The following ZNF329 variants were observed in gnomAD, a reference collection of about 807,000 sequenced individuals.
ZNF329 encodes zinc finger protein 329.
Under a neutral mutation model 26.6 loss-of-function variants are expected in ZNF329, and 15 were observed. That is an observed-to-expected ratio of 0.56 (90% CI 0.38 to 0.87). The LOEUF is 0.87. Ranked by LOEUF, ZNF329 falls within the 40% of genes least tolerant of loss-of-function variation. The pLI is 0.00. For missense variants in ZNF329, 651 were observed against 651.9 expected, an observed-to-expected ratio of 1.00 and a Z score of 0.02; for synonymous variants, 239 against 233.5, an observed-to-expected ratio of 1.02 and a Z score of -0.21.
At chr19:58,145,071 G>C (rs1433835715) in intron 1 of ZNF329, among the ~76,000 whole-genome samples, 2 of 149,884 alleles carry the variant, frequency 1.3e-5, no homozygotes, top group South Asian at 2.1e-4. Context: ...AGATGGTCTC[G>C]ATCTCCTGAC....
At chr19:58,150,975 T>C (rs1454076029), upstream of ZNF329, among the ~76,000 whole-genome samples, 1 of 152,288 alleles carries the variant, frequency 6.6e-6, no homozygotes, top group Non-Finnish European at 1.5e-5. Flanking sequence ...ATGCTATCAT[T>C]CTTTTGTTAT....
chr19:58,144,983 G>A (rs1600089505), intron 1 of ZNF329, among the ~76,000 whole-genome samples: 1 of 150,480 alleles, frequency 6.6e-6, no homozygotes, highest in East Asian at 2.0e-4. Context: ...CCGAGTAGCT[G>A]GGACTTCAGG....
At chr19:58,151,730 A>G (rs995798338), upstream of ZNF329, among the ~76,000 whole-genome samples, 4 of 152,210 alleles carry the variant, frequency 2.6e-5, no homozygotes, top group Admixed American at 6.5e-5. Flanking sequence ...CACAAAATCT[A>G]TATGTTATAC....
At chr19:58,149,632 T>C (rs1282724390) in intron 1 of ZNF329, among the ~76,000 whole-genome samples, 2 of 152,122 alleles carry the variant, frequency 1.3e-5, no homozygotes, top group Non-Finnish European at 2.9e-5. Flanking sequence ...GGAAAGTCAC[T>C]TGCTGTGGGA....
At chr19:58,145,765 A>C (rs2075294142) in intron 1 of ZNF329, among the ~76,000 whole-genome samples, 1 of 152,198 alleles carries the variant, frequency 6.6e-6, no homozygotes, top group Admixed American at 6.6e-5. Flanking sequence ...TATCAATTAC[A>C]GAGGGGAAAA....
intron 1 of ZNF329, among the ~76,000 whole-genome samples, chr19:58,144,133 T>A (rs983446176): frequency 5.3e-5 from 8 of 152,050 alleles, no homozygotes; most frequent in African/African-American, 1.9e-4. Context: ...CTTTGAGTTA[T>A]CAGAGTAGAA....
chr19:58,131,111 A>ATGTGTGTGTGTGTGTGTGTG (rs1555806890), intron 3 of ZNF329, among the ~76,000 whole-genome samples: 202 of 147,602 alleles, frequency 1.4e-3, no homozygotes, highest in African/African-American at 4.7e-3. Flanking sequence ...ATACATGTAT[A>ATGTGTGTGTGTGTGTGTGTG]TGTGTATATG....
chr19:58,133,204 AC>A (rs1600059789), intron 3 of ZNF329, among the ~76,000 whole-genome samples: 3 of 152,294 alleles, frequency 2.0e-5, no homozygotes, highest in Admixed American at 1.3e-4. Context: ...AAAACTGGAA[AC>A]CCAAAGGTAA....
intron 3 of ZNF329, among the ~76,000 whole-genome samples, chr19:58,134,658 G>A (rs769665164): frequency 1.3e-5 from 2 of 152,086 alleles, no homozygotes; most frequent in African/African-American, 4.8e-5. Context: ...AGAGCAGGCC[G>A]GGCGCGGTGG....
rs1162215668 is a variant in ZNF329, at chr19:58,129,291, C to G, written c.213G>C (p.Glu71Asp). 1 of 1,614,152 alleles carries G rather than the reference C, an allele frequency of 6.2e-7. No individual in the cohort carries two copies. The highest frequency in any genetic ancestry group is 1.1e-5 in the South Asian group (1 of 91,084). The change falls in exon 4 of 4, where the codon GAG becomes GAC. Residue 71 changes from glutamate to aspartate, a missense_variant. Glu to Asp is a conservative substitution (Grantham distance 45). Transcript: ENST00000598312. ...GAAGGTCTGAGCTTGCAATCAAATG[C>G]TCCCCAAAACCAGGATATTCACAAA... ...EAICEYPGFGEHLIASSDLPP... is the reference protein window; with the variant it reads ...EAICEYPGFGDHLIASSDLPP...
intron 1 of ZNF329, among the ~76,000 whole-genome samples, chr19:58,150,488 G>GGGGGC (rs1226156824): frequency 6.6e-6 from 1 of 152,248 alleles, no homozygotes; most frequent in African/African-American, 2.4e-5. Flanking sequence ...AGGAAAGAGC[G>GGGGGC]GGGGCGTCCA....
At chr19:58,129,635 A>T (rs1220530995) in intron 3 of ZNF329, 124 bp from the exon 4 acceptor site, 1 of 886,222 alleles carries the variant, frequency 1.1e-6, no homozygotes, top group East Asian at 2.6e-5. Context: ...TTTAAATTCA[A>T]ATTTATACAA....
chr19:58,136,993 CT>C, intron 3 of ZNF329: 1 of 197,328 alleles, frequency 5.1e-6, no homozygotes, highest in South Asian at 1.1e-4. Flanking sequence ...TGATATGTAC[CT>C]TATTCCACCA....
At chr19:58,149,861 A>C (rs547886639) in intron 1 of ZNF329, among the ~76,000 whole-genome samples, 17 of 152,204 alleles carry the variant, frequency 1.1e-4, no homozygotes, top group Non-Finnish European at 2.5e-4. Flanking sequence ...AAATTTAAAA[A>C]AGCACTACTG....
Position 58,128,594 on chromosome 19 carries a change from A to C in ZNF329, c.910T>G (p.Leu304Val). The C allele has an allele frequency of 6.2e-7, 1 of 1,612,532 alleles. No homozygotes were observed. The highest frequency in any genetic ancestry group is 8.5e-7 in the Non-Finnish European group (1 of 1,179,334). The change falls in exon 4 of 4, where the codon TTG becomes GTG. Residue 304 changes from leucine to valine, a missense_variant. By Grantham distance (32) the Leu-to-Val change is conservative. Transcript: ENST00000598312. ...TCCCCTGTATGAGTTCTTTGGTGCA[A>C]AATTAAGGATGAATTTCGGTTGAAG... ...KTFNRNSSLI[L>V]HQRTHTGEKP...
chr19:58,144,396 A>ATATTTTT (rs756544055), intron 1 of ZNF329, among the ~76,000 whole-genome samples: 51 of 127,712 alleles, frequency 4.0e-4, no homozygotes, highest in African/African-American at 1.4e-3. Flanking sequence ...ATATATATAT[A>ATATTTTT]TTTTTTTTTT....
At position 58,129,479 on chromosome 19, in the gene ZNF329, T is replaced by A. The variant is rs778317064; in HGVS notation, c.25A>T (p.Asn9Tyr). 151 of 1,596,060 alleles carry A rather than the reference T, an allele frequency of 9.5e-5. 2 individuals are homozygous for A. In the South Asian group the frequency reaches 1.6e-3, roughly 17 times the overall value. The stretch of plus-strand genomic sequence containing the variant: ...CAGGGTACTTCTCTCTCAGGAAAAT[T>A]CCGAGTCGTCATTTTCAATCTCATA... Reference protein sequence around the residue: MRLKMTTRNFPEREVPCDV... With the variant: MRLKMTTRYFPEREVPCDV... The change falls in exon 4 of 4, where the codon AAT becomes TAT. Residue 9 changes from asparagine to tyrosine, a missense_variant. Asn to Tyr is a moderately radical substitution (Grantham distance 143). Transcript: ENST00000598312.
In ZNF329 at chr19:58,128,384, C is replaced by A; in HGVS notation, c.1120G>T (p.Ala374Ser). Residue 374 changes from alanine (A) to serine (S), a missense_variant, in exon 4 of 4, where the codon GCA becomes TCA. Transcript: ENST00000598312. ...THTGEKPFEC[A>S]ECGKSFNRNS... Reference sequence around the variant, plus strand: ...CTGTTGAAGGATTTCCCGCACTCTGCACACTCAAAGGGCTTTTCTCCAGTG... The same window carrying A: ...CTGTTGAAGGATTTCCCGCACTCTGAACACTCAAAGGGCTTTTCTCCAGTG... 1 of 1,614,072 alleles carries A rather than the reference C, an allele frequency of 6.2e-7. No homozygotes were observed. Among genetic ancestry groups the A allele is most frequent in the East Asian group, 2.2e-5 (1 of 44,850 alleles).
In ZNF329 at chr19:58,128,030, A is replaced by G; in HGVS notation, c.1474T>C (p.Phe492Leu). 6.2e-7 allele frequency: 1 copy of G among 1,614,006 alleles called. No individual in the cohort carries two copies. Residue 492 changes from phenylalanine to leucine, a missense_variant, in exon 4 of 4, where the codon TTC becomes CTC. By Grantham distance (22) the Phe-to-Leu change is conservative (BLOSUM62 0). Coordinates refer to ENST00000598312, the MANE Select transcript of ZNF329 (RefSeq NM_024620.4). The stretch of plus-strand genomic sequence containing the variant: ...ACTGCCAGGTGAGAGTTCTGCTTGA[A>G]GGACTTCCCACATTCTGGACACTGA... ...PYQCPECGKS[F>L]KQNSHLAVHQ...
Sources: gnomAD v4.1 joint callset for allele counts (sites outside exome capture counted in the v4.1 genomes callset) on GRCh38, gnomAD v4.1.1 for gene constraint, MANE v1.5 for transcripts, NCBI Gene and HGNC (gene_info 2026-07-23, HGNC 2026-07-21) for gene names.